Variants in KIAA0753 observed in about 807,000 individuals in gnomAD.
KIAA0753 encodes the protein KIAA0753.
A neutral mutation model predicts 116.9 loss-of-function variants in KIAA0753; 114 were observed. The ratio of observed to expected loss-of-function variants is 0.98; its 90% CI spans 0.84 to 1.14. KIAA0753 has a LOEUF of 1.14. Among genes scored for constraint, KIAA0753 ranks in the 50% most tolerant of loss-of-function variants. The pLI is 0.00. For missense variants in KIAA0753, 1,156 were observed against 1,172.4 expected, an observed-to-expected ratio of 0.99 and a Z score of 0.20; for synonymous variants, 405 against 413.1, an observed-to-expected ratio of 0.98 and a Z score of 0.24.
chr17:6,625,493 C>T (rs896009510), intron 3 of KIAA0753, among the ~76,000 whole-genome samples: 7 of 151,892 alleles, frequency 4.6e-5, no homozygotes, highest in Non-Finnish European at 7.4e-5. Flanking sequence ...ATGGCAAAAC[C>T]CTGTCTCTAC....
At chr17:6,636,788 A>T (rs942187500) in intron 1 of KIAA0753, 1 of 151,732 alleles carries the variant, frequency 6.6e-6, no homozygotes, top group Non-Finnish European at 1.5e-5. Flanking sequence ...CACTACTGGA[A>T]CGCCCCCCTC....
chr17:6,605,775 G>T (rs1167705531), intron 12 of KIAA0753, among the ~76,000 whole-genome samples: 1 of 152,064 alleles, frequency 6.6e-6, no homozygotes, highest in Non-Finnish European at 1.5e-5. Context: ...GGCAACGGTC[G>T]ATTCCTTGAC....
chr17:6,604,796 C>T (rs374642198), intron 12 of KIAA0753, among the ~76,000 whole-genome samples: 1 of 151,900 alleles, frequency 6.6e-6, no homozygotes, highest in Non-Finnish European at 1.5e-5. Context: ...ACTGGGTCTT[C>T]GTGTGACTCT....
chr17:6,635,989 G>A (rs1489297428), intron 1 of KIAA0753: 2 of 152,162 alleles, frequency 1.3e-5, no homozygotes, highest in African/African-American at 4.8e-5. Context: ...CCATTACAAA[G>A]TGCTCTGAGC....
intron 13 of KIAA0753, 51 bp from the exon 14 acceptor site, chr17:6,599,371 A>T (rs780445748): frequency 2.0e-5 from 24 of 1,176,496 alleles, no homozygotes; most frequent in Middle Eastern, 1.9e-4. Flanking sequence ...TATAGCTCCT[A>T]TTAGTACAAA....
chr17:6,600,409 G>T lies in KIAA0753; in HGVS notation c.2059C>A (p.Arg687Ser). The T allele has an allele frequency of 6.2e-7, 1 of 1,613,826 alleles. No homozygotes were observed. Among genetic ancestry groups the T allele is most frequent in the Non-Finnish European group, 8.5e-7 (1 of 1,179,788 alleles). Residue 687 changes from arginine (R) to serine (S), a missense_variant, in exon 13 of 19, where the codon CGT (arginine) becomes AGT (serine). By Grantham distance (110) the Arg-to-Ser change is moderately radical. Transcript: ENST00000361413. ...GCCTTGACCAAGAGAGGCTTCAAAC[G>T]ATCCAGAACTGCCTCCTCTACCTTG... is the stretch of plus-strand genomic sequence containing the variant. Reference protein sequence around the residue: ...ADKVEEAVLDRLKPLLVKAQR... With the variant: ...ADKVEEAVLDSLKPLLVKAQR...
rs979374064 is a variant in KIAA0753, at chr17:6,608,847, C to T, written c.1713-383G>A. Among the ~76,000 whole-genome samples the T allele has an allele frequency of 1.8e-4, 27 of 152,190 alleles. 1 individual carries two copies. The highest frequency in any genetic ancestry group is 4.6e-4 in the Admixed American group (7 of 15,276). ...AGCACTGTTGAGCCTAGAAGCCTCA[C>T]CCACCCTCCTCTACCCACCACACAT... On this transcript the variant is annotated intron_variant, in intron 9 of 18. Transcript: ENST00000361413.
chr17:6,611,045 T>C (rs1970505295), intron 8 of KIAA0753, among the ~76,000 whole-genome samples: 1 of 152,214 alleles, frequency 6.6e-6, no homozygotes, highest in African/African-American at 2.4e-5. Context: ...TAAACAGATT[T>C]GCTAAAGAAG....
intron 14 of KIAA0753, 82 bp from the exon 15 acceptor site, chr17:6,596,425 T>C: frequency 9.1e-7 from 1 of 1,104,398 alleles, no homozygotes; most frequent in Non-Finnish European, 1.3e-6. Flanking sequence ...CAGAAAAACA[T>C]AAAAATTATT....
chr17:6,631,752 T>G (rs908229219), intron 2 of KIAA0753, among the ~76,000 whole-genome samples: 4 of 152,206 alleles, frequency 2.6e-5, no homozygotes, highest in East Asian at 1.9e-4. Context: ...GACATGATAG[T>G]ATCAAGGAGC....
chr17:6,603,061 A>T (rs1193657251), intron 12 of KIAA0753, among the ~76,000 whole-genome samples: 1 of 152,218 alleles, frequency 6.6e-6, no homozygotes, highest in Non-Finnish European at 1.5e-5. Context: ...TTTAAATTTT[A>T]AAATTTAAAC....
intron 10 of KIAA0753, 25 bp from the exon 11 acceptor site, chr17:6,607,295 A>G (rs764581746): frequency 2.5e-6 from 4 of 1,600,410 alleles, no homozygotes; most frequent in Non-Finnish European, 3.4e-6. Context: ...AAAGAGTCAA[A>G]CCAATTCTGC....
chr17:6,615,604 G>C (rs1206064341), intron 7 of KIAA0753, among the ~76,000 whole-genome samples: 2 of 104,088 alleles, frequency 1.9e-5, no homozygotes, highest in African/African-American at 7.8e-5. Context: ...AACAGAGCGA[G>C]ACTCCGTCTC....
chr17:6,600,283 C>A, intron 13 of KIAA0753, 97 bp downstream of exon 13: 1 of 894,900 alleles, frequency 1.1e-6, no homozygotes. Context: ...CACAGAGACA[C>A]TTAGCCCTAT....
intron 18 of KIAA0753, among the ~76,000 whole-genome samples, chr17:6,582,686 CTTTAGA>C (rs1315637672): frequency 2.0e-5 from 3 of 151,962 alleles, no homozygotes; most frequent in South Asian, 2.1e-4. Flanking sequence ...TCTTGGTTTC[CTTTAGA>C]TTTTGTAATT....
At chr17:6,613,794 A>G (rs1205150968) in intron 7 of KIAA0753, among the ~76,000 whole-genome samples, 1 of 152,252 alleles carries the variant, frequency 6.6e-6, no homozygotes, top group East Asian at 1.9e-4. Flanking sequence ...AATATAGCAG[A>G]CTATCAGTAT....
intron 3 of KIAA0753, among the ~76,000 whole-genome samples, chr17:6,627,048 A>G (rs1209407251): frequency 6.6e-6 from 1 of 152,244 alleles, no homozygotes; most frequent in Non-Finnish European, 1.5e-5. Context: ...TCATGATATT[A>G]TACAACACAC....
chr17:6,613,174 G>GA (rs1256981564), intron 7 of KIAA0753, among the ~76,000 whole-genome samples: 2 of 151,814 alleles, frequency 1.3e-5, no homozygotes, highest in African/African-American at 4.8e-5. Context: ...GAAAATATAA[G>GA]AAAAAAATCT....
At position 6,579,528 on chromosome 17, in the gene KIAA0753, A is replaced by G. The variant is rs930512; in HGVS notation, c.*219T>C. On this transcript the variant is annotated 3_prime_UTR_variant, in exon 19 of 19. Transcript: ENST00000361413. ...ATCAAGTTGTGTTGCCTGGGCACTG[A>G]TAAGTGTGATACATTGCATCATACA... 5 of 497,416 alleles carry G rather than the reference A, an allele frequency of 1.0e-5. No individual in the cohort carries two copies. The highest frequency in any genetic ancestry group is 9.3e-5 in the East Asian group (3 of 32,156). 30.8% of individuals were successfully genotyped at this position (497,416 alleles called of 1,614,324 possible).
Sources: allele counts gnomAD v4.1 joint callset (sites outside exome capture counted in the v4.1 genomes callset), GRCh38; gene constraint gnomAD v4.1.1; transcripts MANE v1.5; gene names NCBI Gene and HGNC (gene_info 2026-07-23, HGNC 2026-07-21).